Variants in ADAMTS6 observed in about 807,000 individuals in gnomAD.
The protein encoded by ADAMTS6 is A disintegrin and metalloproteinase with thrombospondin motifs 6.
In ADAMTS6, 23 loss-of-function variants were observed where a neutral mutation model predicts 144.3. That is an observed-to-expected ratio of 0.16 (90% CI 0.11 to 0.23). The LOEUF (loss-of-function observed/expected upper bound fraction) is 0.23, where lower values mean the gene tolerates loss of function less well. Ranked by LOEUF, ADAMTS6 falls within the 10% of genes least tolerant of loss-of-function variation. ADAMTS6 has a pLI of 1.00. For missense variants in ADAMTS6, 999 were observed against 1,379.6 expected (o/e 0.72, Z 4.37); for synonymous variants, 444 against 457.5 (o/e 0.97, Z 0.38).
At chr5:65,373,512 A>T (rs937999288) in intron 7 of ADAMTS6, among the ~76,000 whole-genome samples, 8 of 151,162 alleles carry the variant, frequency 5.3e-5, no homozygotes, top group African/African-American at 1.9e-4. Context: ...ATCTAGAAGA[A>T]ATGGATAAAT....
intron 24 of ADAMTS6, among the ~76,000 whole-genome samples, chr5:65,169,985 A>G (rs1014291911): frequency 5.3e-5 from 8 of 152,076 alleles, no homozygotes; most frequent in African/African-American, 1.2e-4. Context: ...ATGTATACAT[A>G]TGTAACTAAC....
chr5:65,312,517 G>A (rs886296294), intron 9 of ADAMTS6, among the ~76,000 whole-genome samples: 1 of 152,050 alleles, frequency 6.6e-6, no homozygotes, highest in Non-Finnish European at 1.5e-5. Context: ...TTCTAAAACA[G>A]AGTTTGGAAT....
In ADAMTS6 at chr5:65,204,312, T is replaced by A. The variant is rs558603352; in HGVS notation, c.2576-7161A>T. 2.0e-4 allele frequency among the ~76,000 whole-genome samples: 31 copies of A among 152,232 alleles called. No individual in the cohort carries two copies. In the East Asian group the frequency reaches 6.0e-3, roughly 29 times the overall value. On this transcript the variant is annotated intron_variant, in intron 20 of 24. Transcript: ENST00000381055. ...AAAGATAAATGAAAATTATTATAGA[T>A]AAATAAATGAACACACATATTAGCT...
chr5:65,339,638 T>A (rs1747633015), intron 7 of ADAMTS6, among the ~76,000 whole-genome samples: 1 of 151,392 alleles, frequency 6.6e-6, no homozygotes, highest in Admixed American at 6.6e-5. Flanking sequence ...GAATGAGAAA[T>A]TCAATAGAGA....
chr5:65,453,380 T>A (rs1758909361), intron 4 of ADAMTS6, among the ~76,000 whole-genome samples: 1 of 152,330 alleles, frequency 6.6e-6, no homozygotes, highest in Non-Finnish European at 1.5e-5. Context: ...ATAAGATGCT[T>A]TCATCAAGCT....
chr5:65,454,082 C>A (rs1758982449), intron 4 of ADAMTS6, among the ~76,000 whole-genome samples: 2 of 152,166 alleles, frequency 1.3e-5, no homozygotes, highest in South Asian at 4.2e-4. Context: ...GGAGTGGGTT[C>A]CTGATAAAAA....
chr5:65,461,549 C>T, intron 3 of ADAMTS6, among the ~76,000 whole-genome samples: 1 of 152,134 alleles, frequency 6.6e-6, no homozygotes, highest in Non-Finnish European at 1.5e-5. Context: ...TGCTCTTAAT[C>T]CAACTAATTT....
intron 7 of ADAMTS6, among the ~76,000 whole-genome samples, chr5:65,424,759 C>A (rs949900107): frequency 1.3e-5 from 2 of 152,106 alleles, no homozygotes; most frequent in Non-Finnish European, 2.9e-5. Context: ...TAAAACTTAC[C>A]ATTTCAATAA....
chr5:65,304,988 T>C (rs1275117115), intron 9 of ADAMTS6, among the ~76,000 whole-genome samples: 1 of 151,924 alleles, frequency 6.6e-6, no homozygotes, highest in East Asian at 1.9e-4. Context: ...GTATACTAGA[T>C]AACAGTAGTG....
intron 14 of ADAMTS6, among the ~76,000 whole-genome samples, chr5:65,247,140 A>G (rs1759701742): frequency 6.6e-6 from 1 of 152,172 alleles, no homozygotes; most frequent in South Asian, 2.1e-4. Flanking sequence ...AAAACAAACT[A>G]GCAGGGCCCC....
Position 65,291,455 on chromosome 5 carries a change from A to G in ADAMTS6, c.1386T>C (p.Thr462=), listed in dbSNP as rs1167548622. The change falls in exon 11 of 25, where the codon ACT becomes ACC. Residue 462 remains threonine, a synonymous_variant. Transcript: ENST00000381055. Reference sequence around the variant, plus strand: ...GCTTGGGAGGCTCATTATCAAGGCAAGTACCACGGCCTGAACTGTTCAACA... The same window carrying G: ...GCTTGGGAGGCTCATTATCAAGGCAGGTACCACGGCCTGAACTGTTCAACA... The part of the protein sequence containing the change: ...ITSFLDSGRG[T]CLDNEPPKRD... The G allele has an allele frequency of 1.2e-6, 2 of 1,613,870 alleles. No homozygotes were observed. Among genetic ancestry groups the G allele is most frequent in the East Asian group, 2.2e-5 (1 of 44,866 alleles).
At chr5:65,317,951 T>C (rs533623949) in intron 9 of ADAMTS6, among the ~76,000 whole-genome samples, 1 of 151,602 alleles carries the variant, frequency 6.6e-6, no homozygotes, top group South Asian at 2.1e-4. Flanking sequence ...GGTGGGCCCC[T>C]GTAGTCCCAG....
chr5:65,305,759 GAC>G (rs142815002), intron 9 of ADAMTS6, among the ~76,000 whole-genome samples: 5 of 151,704 alleles, frequency 3.3e-5, no homozygotes, highest in African/African-American at 9.7e-5. Flanking sequence ...AAGTCAGAGG[GAC>G]ACACACACAC....
chr5:65,240,659 A>G (rs899849213), intron 15 of ADAMTS6, among the ~76,000 whole-genome samples: 3 of 152,132 alleles, frequency 2.0e-5, no homozygotes, highest in African/African-American at 4.8e-5. Context: ...ATGAGAAAAC[A>G]ACAGTTCACA....
At chr5:65,160,515 A>T (rs1292520586) in intron 24 of ADAMTS6, among the ~76,000 whole-genome samples, 1 of 152,026 alleles carries the variant, frequency 6.6e-6, no homozygotes, top group Non-Finnish European at 1.5e-5. Flanking sequence ...CATGTTAGGC[A>T]GGATGGTCTC....
At chr5:65,180,486 TA>T (rs1423927130) in intron 22 of ADAMTS6, among the ~76,000 whole-genome samples, 1 of 152,150 alleles carries the variant, frequency 6.6e-6, no homozygotes. Context: ...TAGATCTTAT[TA>T]ATCCAACTCC....
At chr5:65,179,067 G>A (rs751367559) in intron 22 of ADAMTS6, among the ~76,000 whole-genome samples, 18 of 152,084 alleles carry the variant, frequency 1.2e-4, no homozygotes, top group Non-Finnish European at 2.1e-4. Context: ...AGTCACACCC[G>A]GAAGCTGACT....
intron 7 of ADAMTS6, among the ~76,000 whole-genome samples, chr5:65,387,150 A>G (rs1752541570): frequency 6.6e-6 from 1 of 152,236 alleles, no homozygotes; most frequent in Non-Finnish European, 1.5e-5. Context: ...AGAATTATTG[A>G]TAACAGCATA....
intron 10 of ADAMTS6, among the ~76,000 whole-genome samples, chr5:65,298,295 C>T (rs999465692): frequency 2.6e-5 from 4 of 151,700 alleles, no homozygotes; most frequent in African/African-American, 9.7e-5. Context: ...GAAAATGGTA[C>T]AAAAACAAAA....
Sources: gnomAD v4.1 joint callset for allele counts (sites outside exome capture counted in the v4.1 genomes callset) on GRCh38, gnomAD v4.1.1 for gene constraint, MANE v1.5 for transcripts, NCBI Gene and HGNC (gene_info 2026-07-23, HGNC 2026-07-21) for gene names.